The following CRB1 variants were observed in gnomAD, a reference collection of about 807,000 sequenced individuals.
CRB1 encodes the protein crumbs cell polarity complex component 1.
Under a neutral mutation model 120.0 loss-of-function variants are expected in CRB1, and 83 were observed. That is an observed-to-expected ratio of 0.69 (90% confidence interval 0.58 to 0.83). CRB1 has a LOEUF of 0.83. CRB1 is among the 40% of genes least tolerant of loss of function. The pLI is 0.00. For synonymous variants in CRB1, 625 were observed against 612.5 expected (o/e 1.02, Z -0.30); for missense variants, 1,699 against 1,687.6 (o/e 1.01, Z -0.12).
intron 2 of CRB1, among the ~76,000 whole-genome samples, chr1:197,340,223 G>A (rs1161928640): frequency 6.6e-6 from 1 of 152,136 alleles, no homozygotes; most frequent in Non-Finnish European, 1.5e-5. Flanking sequence ...CTGGATATTT[G>A]GGAACTAACT....
chr1:197,451,805 C>T (rs932360220), intron 11 of CRB1, among the ~76,000 whole-genome samples: 2 of 152,194 alleles, frequency 1.3e-5, no homozygotes, highest in African/African-American at 4.8e-5. Flanking sequence ...TGGTAAAATA[C>T]TAACATTAGA....
chr1:197,418,359 A>G (rs983073573), intron 5 of CRB1, among the ~76,000 whole-genome samples: 1 of 152,200 alleles, frequency 6.6e-6, no homozygotes, highest in African/African-American at 2.4e-5. Flanking sequence ...GGATAATTGT[A>G]TAACAAATAG....
At chr1:197,436,250 A>G (rs1665156615) in intron 9 of CRB1, among the ~76,000 whole-genome samples, 1 of 152,156 alleles carries the variant, frequency 6.6e-6, no homozygotes, top group African/African-American at 2.4e-5. Context: ...GAGAAAATAA[A>G]ATGTTATTAA....
upstream of CRB1, among the ~76,000 whole-genome samples, chr1:197,266,329 A>G (rs1021267331): frequency 4.6e-5 from 7 of 152,034 alleles, no homozygotes; most frequent in African/African-American, 1.4e-4. Context: ...GGTTCCTTCT[A>G]TGTGTCCTCA....
intron 5 of CRB1, among the ~76,000 whole-genome samples, chr1:197,402,328 A>G (rs960172639): frequency 6.6e-6 from 1 of 152,166 alleles, no homozygotes; most frequent in Admixed American, 6.5e-5. Context: ...CTGTTCCTGC[A>G]TTAGTTTCCT....
intron 11 of CRB1, among the ~76,000 whole-genome samples, chr1:197,457,680 C>T (rs1666346642): frequency 6.6e-6 from 1 of 152,052 alleles, no homozygotes; most frequent in South Asian, 2.1e-4. Context: ...CCAGGGCTGG[C>T]GGTAGGGTAG....
chr1:197,406,017 C>T (rs546751909), intron 5 of CRB1, among the ~76,000 whole-genome samples: 10 of 151,778 alleles, frequency 6.6e-5, no homozygotes, highest in South Asian at 6.3e-4. Flanking sequence ...TCTGCCCGGC[C>T]GCCCCTACTG....
chr1:197,476,386 G>A (rs1358258996), intron 11 of CRB1, among the ~76,000 whole-genome samples: 1 of 141,892 alleles, frequency 7.0e-6, no homozygotes, highest in African/African-American at 2.4e-5. Flanking sequence ...GTGTGTGTGT[G>A]TGTGTGTGTG....
At chr1:197,254,101 G>T in the CRB1 span, among the ~76,000 whole-genome samples, 1 of 151,978 alleles carries the variant, frequency 6.6e-6, no homozygotes, top group Non-Finnish European at 1.5e-5. Flanking sequence ...TTACGGAGAG[G>T]CTAGATACAT....
the CRB1 span, among the ~76,000 whole-genome samples, chr1:197,235,011 G>A: frequency 9.8e-5 from 15 of 152,324 alleles, no homozygotes; most frequent in African/African-American, 3.6e-4. Flanking sequence ...GTACAACTAA[G>A]ATAGCAGCTC....
the CRB1 span, among the ~76,000 whole-genome samples, chr1:197,256,843 C>T: frequency 6.9e-6 from 1 of 143,926 alleles, no homozygotes; most frequent in Non-Finnish European, 1.5e-5. Context: ...ACAAAAAAAA[C>T]TTGGAGGGTG....
chr1:197,252,196 G>A, the CRB1 span, among the ~76,000 whole-genome samples: 2 of 151,700 alleles, frequency 1.3e-5, no homozygotes, highest in East Asian at 3.9e-4. Flanking sequence ...GAACATAGCT[G>A]TGCTCCAATA....
intron 8 of CRB1, 73 bp from the exon 9 acceptor site, chr1:197,434,633 A>T: frequency 8.0e-7 from 1 of 1,252,168 alleles, no homozygotes; most frequent in Admixed American, 1.7e-5. Context: ...AATGATCATT[A>T]CTATTAATAA....
intron 1 of CRB1, among the ~76,000 whole-genome samples, chr1:197,326,627 T>A (rs1447651375): frequency 6.6e-6 from 1 of 151,908 alleles, no homozygotes; most frequent in Non-Finnish European, 1.5e-5. Flanking sequence ...CAAGACTCTG[T>A]CTCAAAATAA....
intron 11 of CRB1, among the ~76,000 whole-genome samples, chr1:197,448,291 TG>T (rs988230993): frequency 6.6e-5 from 10 of 152,258 alleles, no homozygotes; most frequent in African/African-American, 2.4e-4. Flanking sequence ...TTCTTTTTCC[TG>T]GGGGGTCTTT....
chr1:197,368,843 G>A (rs1281280725), intron 5 of CRB1, among the ~76,000 whole-genome samples: 1 of 152,108 alleles, frequency 6.6e-6, no homozygotes, highest in Non-Finnish European at 1.5e-5. Flanking sequence ...AACAAAGCCA[G>A]GAAATCCATC....
At chr1:197,323,404 A>T (rs1390110532) in intron 1 of CRB1, among the ~76,000 whole-genome samples, 1 of 152,190 alleles carries the variant, frequency 6.6e-6, no homozygotes, top group Non-Finnish European at 1.5e-5. Context: ...TGGAGCGGGA[A>T]AAAACTTTTT....
intron 4 of CRB1, among the ~76,000 whole-genome samples, chr1:197,355,678 G>A (rs1046111303): frequency 6.6e-6 from 1 of 152,110 alleles, no homozygotes; most frequent in Non-Finnish European, 1.5e-5. Flanking sequence ...GGCGCCCACC[G>A]GCCGCTCTGA....
At chr1:197,343,401 A>G (rs1421462465) in intron 2 of CRB1, among the ~76,000 whole-genome samples, 2 of 152,188 alleles carry the variant, frequency 1.3e-5, no homozygotes, top group African/African-American at 4.8e-5. Context: ...TGTTATTTAA[A>G]TACTACTACA....
Sources: gnomAD v4.1 joint callset for allele counts (sites outside exome capture counted in the v4.1 genomes callset) on GRCh38, gnomAD v4.1.1 for gene constraint, MANE v1.5 for transcripts, NCBI Gene and HGNC (gene_info 2026-07-23, HGNC 2026-07-21) for gene names.